Variants in CARD8 observed in about 807,000 individuals in gnomAD.
CARD8 encodes the protein caspase recruitment domain family member 8.
In CARD8, 38 loss-of-function variants were observed where a neutral mutation model predicts 53.2. The observed-to-expected ratio is 0.71, with a 90% CI of 0.55 to 0.94. The LOEUF (loss-of-function observed/expected upper bound fraction) is 0.94, where lower values mean the gene tolerates loss of function less well. Among genes scored for constraint, CARD8 ranks in the 40% least tolerant of loss-of-function variants. CARD8 has a pLI of 0.00. For synonymous variants in CARD8, 245 were observed against 244.9 expected (o/e 1.00, Z 0.00); for missense variants, 561 against 655.5 (o/e 0.86, Z 1.57).
At chr19:48,239,474 T>A (rs1441791103) in intron 4 of CARD8, among the ~76,000 whole-genome samples, 1 of 17,738 alleles carries the variant, frequency 5.6e-5, no homozygotes, top group African/African-American at 1.7e-4. Context: ...ATTTCAGACT[T>A]TTTTTTTTTT....
chr19:48,247,003 A>T (rs887260620), intron 3 of CARD8, among the ~76,000 whole-genome samples: 2 of 152,178 alleles, frequency 1.3e-5, no homozygotes, highest in Non-Finnish European at 2.9e-5. Flanking sequence ...TCATGCTCAC[A>T]TGTTTACTCA....
At position 48,231,818 on chromosome 19, in the gene CARD8, G is replaced by A. The variant is rs2042948067; in HGVS notation, c.392-8C>T. 2 of 1,613,214 alleles carry A rather than the reference G, an allele frequency of 1.2e-6. No individual in the cohort carries two copies. Among genetic ancestry groups the A allele is most frequent in the South Asian group, 1.1e-5 (1 of 91,052 alleles). On this transcript the variant is annotated splice_region_variant and splice_polypyrimidine_tract_variant and intron_variant, in intron 7 of 13. Coordinates refer to ENST00000651546, the MANE Select transcript of CARD8 (RefSeq NM_001184900.3). ...CTTCTGAGCAAATGTCTCCTGAAAA[G>A]AAAATACTAGACATGTAAGAGGTAA...
intron 3 of CARD8, among the ~76,000 whole-genome samples, chr19:48,241,513 C>CCCAAAGTGCCGGATTGCAGGCGTGAG (rs1306977392): frequency 2.6e-4 from 39 of 152,312 alleles, no homozygotes; most frequent in African/African-American, 7.2e-4. Context: ...GTCTCGGCCT[C>CCCAAAGTGCCGGATTGCAGGCGTGAG]CCAAAGTGCC....
At chr19:48,239,793 A>G (rs1045567345) in intron 4 of CARD8, among the ~76,000 whole-genome samples, 5 of 152,004 alleles carry the variant, frequency 3.3e-5, no homozygotes, top group Admixed American at 3.3e-4. Flanking sequence ...CTATTTTTAA[A>G]ACCTATGGAC....
chr19:48,235,959 C>G (rs2043801844), intron 5 of CARD8, among the ~76,000 whole-genome samples: 1 of 151,740 alleles, frequency 6.6e-6, no homozygotes. Context: ...GAAAATTAAG[C>G]CTGTTAAAAA....
chr19:48,221,848 T>C lies in CARD8; in HGVS notation c.1043A>G (p.Asp348Gly), dbSNP rs1232068947. ...ACCATGGAAGCGATCTTCCTCATCA[T>C]CTATCGCCTAAGGAAGAAGGGGCAG... ...PSDALLTKAI[D>G]DEEDRFHGVR... Residue 348 changes from aspartate to glycine, a missense_variant, in exon 11 of 14, where the codon GAT becomes GGT. Physicochemically the swap from Asp to Gly is moderately conservative, Grantham distance 94. Coordinates refer to ENST00000651546, the MANE Select transcript of CARD8 (RefSeq NM_001184900.3). 1 of 1,597,316 alleles carries C rather than the reference T, an allele frequency of 6.3e-7. No homozygotes were observed. The highest frequency in any genetic ancestry group is 1.7e-5 in the Admixed American group (1 of 58,280).
rs1568803676 is a variant in CARD8 at position 48,231,653 on chromosome 19, T to C, written c.542+7A>G. 6.3e-7 allele frequency: 1 copy of C among 1,586,348 alleles called. No homozygotes were observed. Among genetic ancestry groups the C allele is most frequent in the Admixed American group, 1.8e-5 (1 of 56,532 alleles). ...GTTTTCAAATCATCAGCATCTTCCA[T>C]TCTTACCTGTATCTGTTTGTGCTCT... On this transcript the variant is annotated splice_region_variant and intron_variant, in intron 8 of 13. Coordinates refer to ENST00000651546, the MANE Select transcript of CARD8 (RefSeq NM_001184900.3).
At chr19:48,205,788 A>C (rs1029074219), downstream of CARD8, among the ~76,000 whole-genome samples, 2 of 152,176 alleles carry the variant, frequency 1.3e-5, no homozygotes, top group Admixed American at 1.3e-4. Context: ...TCCGTCTGGG[A>C]AATGTGAGTA....
At chr19:48,215,647 CA>C (rs1405220425) in intron 12 of CARD8, among the ~76,000 whole-genome samples, 2 of 152,110 alleles carry the variant, frequency 1.3e-5, no homozygotes, top group Admixed American at 1.3e-4. Flanking sequence ...TATGGGGCTA[CA>C]AAAACATATC....
intron 3 of CARD8, among the ~76,000 whole-genome samples, chr19:48,243,532 G>A (rs990846866): frequency 4.6e-5 from 7 of 152,002 alleles, no homozygotes; most frequent in African/African-American, 1.7e-4. Context: ...CACAGCCTGC[G>A]AAAAATTTAA....
rs2042917723 is a variant in CARD8 at position 48,231,679 on chromosome 19, T to C, written c.523A>G (p.Lys175Glu). 4 of 1,607,088 alleles carry C rather than the reference T, an allele frequency of 2.5e-6. No individual in the cohort carries two copies. The highest frequency in any genetic ancestry group is 3.4e-6 in the Non-Finnish European group (4 of 1,176,864). Reference sequence around the variant, plus strand: ...TCTTACCTGTATCTGTTTGTGCTCTTATCAATCAACTCAACATCCACATTT... The same window carrying C: ...TCTTACCTGTATCTGTTTGTGCTCTCATCAATCAACTCAACATCCACATTT... ...EGNVDVELIDKSTNRYSVWFP... is the reference protein window; with the variant it reads ...EGNVDVELIDESTNRYSVWFP... Residue 175 changes from lysine to glutamate, a missense_variant, in exon 8 of 14, where the codon AAG becomes GAG. Transcript: ENST00000651546.
rs117018559 is a variant in CARD8, at chr19:48,222,174, G to A, written c.1036-319C>T. ...TTTACACTGTGGAAAGATTGGCTGC[G>A]TACTTATGAAAGCACAGGACAGAAG... On this transcript the variant is annotated intron_variant, in intron 10 of 13. Coordinates refer to ENST00000651546, the MANE Select transcript of CARD8 (RefSeq NM_001184900.3). Among the ~76,000 whole-genome samples the A allele has an allele frequency of 7.2e-3, 1,091 of 152,306 alleles. 11 individuals are homozygous for A. The highest frequency in any genetic ancestry group is 0.012 in the Admixed American group (183 of 15,300).
intron 12 of CARD8, among the ~76,000 whole-genome samples, chr19:48,215,838 A>G (rs1265478812): frequency 1.3e-5 from 2 of 152,208 alleles, no homozygotes; most frequent in African/African-American, 4.8e-5. Flanking sequence ...ATTTTGGAAA[A>G]TAATTAAAAA....
At chr19:48,218,464 C>T (rs1474344649) in intron 12 of CARD8, among the ~76,000 whole-genome samples, 1 of 150,962 alleles carries the variant, frequency 6.6e-6, no homozygotes, top group Non-Finnish European at 1.5e-5. Context: ...AGGTGATTCT[C>T]CTGCCTCAGC....
chr19:48,204,350 G>C (rs1375713843), downstream of CARD8: 1 of 357,236 alleles, frequency 2.8e-6, no homozygotes, highest in Non-Finnish European at 5.6e-6. Flanking sequence ...TCTGCAGTAA[G>C]GGGAGTTGGG....
chr19:48,207,734 G>GTTTTTTTTTTTTTGTTTTTTTTTTTTTT (rs1555790116), downstream of CARD8, among the ~76,000 whole-genome samples: 251 of 116,402 alleles, frequency 2.2e-3, 2 homozygotes, highest in Non-Finnish European at 3.3e-3. Context: ...TTGTTTTTCT[G>GTTTTTTTTTTTTTGTTTTTTTTTTTTTT]TTTTTTTTTT....
chr19:48,243,559 A>T (rs761960245), intron 3 of CARD8, among the ~76,000 whole-genome samples: 12 of 152,224 alleles, frequency 7.9e-5, no homozygotes, highest in Non-Finnish European at 7.3e-5. Context: ...TATCCTCTGA[A>T]CTACAAGCTT....
chr19:48,218,837 T>C lies in CARD8; in HGVS notation c.1303+34A>G, dbSNP rs1467879632. The C allele has an allele frequency of 6.2e-6, 10 of 1,608,948 alleles. No homozygotes were observed. In the South Asian group the frequency reaches 6.6e-5, roughly 11 times the overall value. ...AGGATAGAGGTACATGATGGATCCC[T>C]GTCTAAAAATGCCAGCCTCGCCCAC... is the stretch of plus-strand genomic sequence containing the variant. On this transcript the variant is annotated intron_variant, in intron 12 of 13. Transcript: ENST00000651546.
At chr19:48,207,732 C>CTGTTTTTTTTGTTTTT (rs2037423212), downstream of CARD8, among the ~76,000 whole-genome samples, 2 of 91,278 alleles carry the variant, frequency 2.2e-5, no homozygotes, top group African/African-American at 8.7e-5. Context: ...TGTTGTTTTT[C>CTGTTTTTTTTGTTTTT]TGTTTTTTTT....
Sources: allele counts gnomAD v4.1 joint callset (sites outside exome capture counted in the v4.1 genomes callset), GRCh38; gene constraint gnomAD v4.1.1; transcripts MANE v1.5; gene names NCBI Gene and HGNC (gene_info 2026-07-23, HGNC 2026-07-21).